The following CACNA1C variants were observed in gnomAD, a reference collection of about 807,000 sequenced individuals.
The protein encoded by CACNA1C is calcium voltage-gated channel subunit alpha1 C.
Under a neutral mutation model 229.0 loss-of-function variants are expected in CACNA1C, and 30 were observed. That is an observed-to-expected ratio of 0.13 (90% CI 0.10 to 0.18). CACNA1C has a LOEUF of 0.18. Ranked by LOEUF, CACNA1C falls within the 10% of genes least tolerant of loss-of-function variation. The pLI is 1.00. For missense variants in CACNA1C, 1,658 were observed against 2,845.0 expected (o/e 0.58, Z 9.49); for synonymous variants, 1,114 against 1,132.5 (o/e 0.98, Z 0.33).
rs144451754 is a variant in CACNA1C at position 2,579,239 on chromosome 12, C to T, written c.1896-2351C>T. On this transcript the variant is annotated intron_variant, in intron 13 of 46. Coordinates refer to ENST00000399655, the MANE Select transcript of CACNA1C (RefSeq NM_000719.7). ...CACATGCCTCTTTACTTCATGAAAA[C>T]GAAGGCTCCAACCTTCCATGACCAT... Among the ~76,000 whole-genome samples, 149 of 152,272 alleles carry T rather than the reference C, an allele frequency of 9.8e-4. 2 individuals are homozygous for T. The highest frequency in any genetic ancestry group is 5.6e-3 in the South Asian group (27 of 4,822).
At chr12:2,313,329 C>A (rs1022913349) in intron 3 of CACNA1C, among the ~76,000 whole-genome samples, 4 of 152,180 alleles carry the variant, frequency 2.6e-5, no homozygotes, top group African/African-American at 9.7e-5. Context: ...TCATCCCTAG[C>A]CTCCTTGCAG....
intron 3 of CACNA1C, among the ~76,000 whole-genome samples, chr12:2,373,420 G>A (rs1108384): frequency 0.013 from 1,947 of 152,240 alleles, 46 homozygotes; most frequent in African/African-American, 0.042. Context: ...TTTTGGGGGA[G>A]GCTGCAAAGT....
At chr12:2,194,769 C>T (rs551185678) in intron 3 of CACNA1C, among the ~76,000 whole-genome samples, 2 of 152,272 alleles carry the variant, frequency 1.3e-5, no homozygotes, top group South Asian at 2.1e-4. Context: ...CTGACCCTGC[C>T]GTGGAGCACC....
intron 3 of CACNA1C, among the ~76,000 whole-genome samples, chr12:2,400,197 A>G (rs2098657614): frequency 6.6e-6 from 1 of 152,212 alleles, no homozygotes; most frequent in African/African-American, 2.4e-5. Flanking sequence ...GGAAAGTTAA[A>G]TAACATGGAT....
rs1035015356 is a variant in CACNA1C, at chr12:2,653,668, C to A, written c.4075-167C>A. 3.3e-5 allele frequency among the ~76,000 whole-genome samples: 5 copies of A among 152,232 alleles called. No individual in the cohort carries two copies. Among genetic ancestry groups the A allele is most frequent in the African/African-American group, 4.8e-5 (2 of 41,458 alleles). On this transcript the variant is annotated intron_variant, in intron 32 of 46. Coordinates refer to ENST00000399655, the MANE Select transcript of CACNA1C (RefSeq NM_000719.7). The surrounding 1 kb of genome is among the most constrained non-coding windows in gnomAD (Gnocchi z 4.7). ...GGGAAGTCAGTTCCGGTTTCTCAGA[C>A]CTTCTCGCAGGTTCCCCGTAGTCCT...
At chr12:2,246,966 A>G (rs113504979) in intron 3 of CACNA1C, among the ~76,000 whole-genome samples, 1 of 152,274 alleles carries the variant, frequency 6.6e-6, no homozygotes, top group African/African-American at 2.4e-5. Flanking sequence ...ATGCACACAC[A>G]TGCCTACACA....
intron 11 of CACNA1C, among the ~76,000 whole-genome samples, chr12:2,562,045 A>G (rs1293132332): frequency 6.6e-6 from 1 of 152,184 alleles, no homozygotes. Flanking sequence ...TTATCTTTAA[A>G]TACTTTCTCT....
chr12:2,246,421 G>C (rs113256530), intron 3 of CACNA1C, among the ~76,000 whole-genome samples: 3 of 152,146 alleles, frequency 2.0e-5, no homozygotes, highest in African/African-American at 7.2e-5. Context: ...ACAGGATCCT[G>C]AATCTCAGGC....
chr12:2,041,612 G>A (rs2050129357), intron 1 of CACNA1C, among the ~76,000 whole-genome samples: 1 of 152,132 alleles, frequency 6.6e-6, no homozygotes, highest in Non-Finnish European at 1.5e-5. Flanking sequence ...GGGATAATGT[G>A]ACCACAGGAC....
rs545984644 is a variant in CACNA1C at position 2,454,325 on chromosome 12, C to T, written c.618-3242C>T. On this transcript the variant is annotated intron_variant, in intron 4 of 46. Transcript: ENST00000399655. ...GCTATAGCCAATATCCCTGTCACCA[C>T]TGATTAACACCTCCCCCATAATCCC... 7.2e-4 allele frequency among the ~76,000 whole-genome samples: 110 copies of T among 152,308 alleles called. 1 individual carries two copies. The highest frequency in any genetic ancestry group is 2.5e-3 in the African/African-American group (105 of 41,572).
At chr12:2,664,752 G>C in intron 34 of CACNA1C, 73 bp from the exon 35 acceptor site, 1 of 1,286,970 alleles carries the variant, frequency 7.8e-7, no homozygotes, top group Non-Finnish European at 1.1e-6. Flanking sequence ...GGGACAGGTG[G>C]GGAGGGATGC....
At chr12:2,235,939 G>A (rs763817122) in intron 3 of CACNA1C, among the ~76,000 whole-genome samples, 4 of 152,176 alleles carry the variant, frequency 2.6e-5, no homozygotes, top group Non-Finnish European at 5.9e-5. Context: ...GACGTTCACA[G>A]GACATCACAG....
At chr12:2,523,825 T>C (rs556006625) in intron 9 of CACNA1C, among the ~76,000 whole-genome samples, 4 of 152,256 alleles carry the variant, frequency 2.6e-5, no homozygotes, top group African/African-American at 9.6e-5. Flanking sequence ...TTTGATCCAT[T>C]TTCTCCAATA....
chr12:2,255,729 C>G (rs2077234078), intron 3 of CACNA1C, among the ~76,000 whole-genome samples: 1 of 151,694 alleles, frequency 6.6e-6, no homozygotes. Flanking sequence ...AGATAATAAG[C>G]TTTATTGTGA....
rs758780593 is a variant in CACNA1C, at chr12:2,397,255, G to C, written c.478-51721G>C. 2.6e-5 allele frequency among the ~76,000 whole-genome samples: 4 copies of C among 152,328 alleles called. No individual in the cohort carries two copies. In the East Asian group the frequency reaches 7.7e-4, roughly 29 times the overall value. ...CCATCAAGAAGAGTAAACAGGTATTGGGTTTTGTTTTGTTTGGCTTTTTGC... is the reference window on the plus strand; with the variant it reads ...CCATCAAGAAGAGTAAACAGGTATTCGGTTTTGTTTTGTTTGGCTTTTTGC... On this transcript the variant is annotated intron_variant, in intron 3 of 46. Coordinates refer to ENST00000399655, the MANE Select transcript of CACNA1C (RefSeq NM_000719.7).
chr12:2,353,057 G>A (rs11612864), intron 3 of CACNA1C, among the ~76,000 whole-genome samples: 28,828 of 152,158 alleles, frequency 0.19, 3,154 homozygotes, highest in Non-Finnish European at 0.24. Flanking sequence ...AGCGCTCCAC[G>A]TGCAAGGCAG....
At chr12:2,661,946 A>G (rs1349505181) in intron 34 of CACNA1C, among the ~76,000 whole-genome samples, 1 of 152,210 alleles carries the variant, frequency 6.6e-6, no homozygotes, top group Admixed American at 6.5e-5. Flanking sequence ...TTACCCAATA[A>G]AATAAGACAG....
Position 2,608,578 on chromosome 12 carries a change from A to C in CACNA1C, c.3424A>C (p.Ile1142Leu), listed in dbSNP as rs752247655. Residue 1142 changes from isoleucine to leucine, a missense_variant, in exon 27 of 47, where the codon ATC becomes CTC. Physicochemically the swap from Ile to Leu is conservative, Grantham distance 5. Transcript: ENST00000399655. The surrounding 1 kb of genome is among the most constrained non-coding windows in gnomAD (Gnocchi z 4.2). ...CCCCATCTACAACTACCGTGTGGAG[A>C]TCTCCATCTTCTTCATCATCTACAT... is the stretch of plus-strand genomic sequence containing the variant. ...KGPIYNYRVE[I>L]SIFFIIYIII... 3.4e-5 allele frequency: 55 copies of C among 1,613,742 alleles called. No homozygotes were observed. The highest frequency in any genetic ancestry group is 4.6e-5 in the Non-Finnish European group (54 of 1,179,804).
At chr12:2,288,610 A>C (rs1216306602) in intron 3 of CACNA1C, 1 of 152,096 alleles carries the variant, frequency 6.6e-6, no homozygotes. Context: ...GTGCCCTTGC[A>C]TTTTGTATTG....
Sources: gnomAD v4.1 joint callset for allele counts (sites outside exome capture counted in the v4.1 genomes callset) on GRCh38, gnomAD v4.1.1 for gene constraint, Gnocchi (gnomAD v3.1) non-coding constraint, MANE v1.5 for transcripts, NCBI Gene and HGNC (gene_info 2026-07-23, HGNC 2026-07-21) for gene names.